The following UBE3D variants were observed in gnomAD, a reference collection of about 807,000 sequenced individuals.
UBE3D encodes the protein ubiquitin protein ligase E3D.
In UBE3D, 48 loss-of-function variants were observed where a neutral mutation model predicts 49.6. That is an observed-to-expected ratio of 0.97 (90% CI 0.77 to 1.23). The LOEUF (loss-of-function observed/expected upper bound fraction) is 1.23. UBE3D is among the 50% of genes most tolerant of loss of function. UBE3D has a pLI of 0.00. For synonymous variants in UBE3D, 189 were observed against 174.2 expected (o/e 1.08, Z -0.67); for missense variants, 452 against 468.4 (o/e 0.96, Z 0.32).
chr6:82,951,607 C>T (rs1345600909), intron 9 of UBE3D, among the ~76,000 whole-genome samples: 1 of 152,162 alleles, frequency 6.6e-6, no homozygotes, highest in Non-Finnish European at 1.5e-5. Flanking sequence ...CAGTAGAACC[C>T]TTTGCCACGT....
At chr6:82,885,845 A>G in the UBE3D span, among the ~76,000 whole-genome samples, 10 of 152,274 alleles carry the variant, frequency 6.6e-5, no homozygotes, top group African/African-American at 2.2e-4. Flanking sequence ...TTACTATTTC[A>G]AAGTTTCATT....
intron 4 of UBE3D, among the ~76,000 whole-genome samples, chr6:83,043,987 C>T (rs1782851558): frequency 6.6e-6 from 1 of 152,144 alleles, no homozygotes; most frequent in Admixed American, 6.5e-5. Flanking sequence ...TTGATGACAT[C>T]TCCATTTATG....
At chr6:82,943,464 C>T (rs1490424945) in intron 9 of UBE3D, among the ~76,000 whole-genome samples, 4 of 151,868 alleles carry the variant, frequency 2.6e-5, no homozygotes, top group South Asian at 2.1e-4. Flanking sequence ...GGTGAAACCC[C>T]GTGTCCACTA....
At chr6:82,912,406 C>A (rs1772594755) in intron 9 of UBE3D, among the ~76,000 whole-genome samples, 1 of 151,934 alleles carries the variant, frequency 6.6e-6, no homozygotes, top group Non-Finnish European at 1.5e-5. Flanking sequence ...CTCCTAGAGA[C>A]AATCTTCTTT....
In UBE3D at chr6:83,030,918, GGA is replaced by G. The variant is rs543914552; in HGVS notation, c.668-6882_668-6881del. Among the ~76,000 whole-genome samples the G allele has an allele frequency of 2.9e-3, 439 of 152,272 alleles. 1 individual carries two copies. Among genetic ancestry groups the G allele is most frequent in the African/African-American group, 9.5e-3 (396 of 41,564 alleles). On this transcript the variant is annotated intron_variant, in intron 5 of 9. Transcript: ENST00000369747. Reference sequence around the variant, plus strand: ...CAAGGATGACTCTTGTTATGCTTTAGGAAAGAGACTGGCAGTATTTTGTCCCT... The same window carrying G: ...CAAGGATGACTCTTGTTATGCTTTAGAAGAGACTGGCAGTATTTTGTCCCT...
intron 8 of UBE3D, among the ~76,000 whole-genome samples, chr6:83,006,078 A>T (rs1779958319): frequency 1.3e-5 from 2 of 152,120 alleles, no homozygotes; most frequent in South Asian, 4.1e-4. Flanking sequence ...TACAAAAATT[A>T]GCCAGGCATG....
At chr6:82,986,369 G>C (rs1778494200) in intron 8 of UBE3D, among the ~76,000 whole-genome samples, 1 of 150,876 alleles carries the variant, frequency 6.6e-6, no homozygotes, top group South Asian at 2.1e-4. Flanking sequence ...TACTCGGGAG[G>C]CTGAGGCAGG....
intron 8 of UBE3D, among the ~76,000 whole-genome samples, chr6:82,981,743 T>C (rs762828742): frequency 6.6e-6 from 1 of 152,074 alleles, no homozygotes; most frequent in Non-Finnish European, 1.5e-5. Context: ...AGAAAAAAGC[T>C]TTTGGAATAC....
the UBE3D span, among the ~76,000 whole-genome samples, chr6:82,885,192 G>T: frequency 2.0e-5 from 3 of 151,268 alleles, no homozygotes; most frequent in Admixed American, 1.3e-4. Flanking sequence ...AAGCTATTTG[G>T]TCAAGACAGT....
intron 9 of UBE3D, among the ~76,000 whole-genome samples, chr6:82,954,846 G>A (rs1413520308): frequency 6.6e-6 from 1 of 152,186 alleles, no homozygotes; most frequent in Non-Finnish European, 1.5e-5. Context: ...GAAGACCTGG[G>A]TAGGGAAGAT....
At chr6:82,893,431 C>T (rs1771082688) in intron 9 of UBE3D, among the ~76,000 whole-genome samples, 1 of 152,112 alleles carries the variant, frequency 6.6e-6, no homozygotes, top group South Asian at 2.1e-4. Flanking sequence ...GGTAATTATA[C>T]CAGTCTCTCC....
At chr6:82,970,565 C>T (rs1407677215) in intron 8 of UBE3D, among the ~76,000 whole-genome samples, 5 of 152,140 alleles carry the variant, frequency 3.3e-5, no homozygotes, top group Admixed American at 2.0e-4. Flanking sequence ...CTGGGCCGGG[C>T]GCTGTGGCTC....
chr6:82,907,022 G>C (rs1440786142), intron 9 of UBE3D, among the ~76,000 whole-genome samples: 1 of 152,156 alleles, frequency 6.6e-6, no homozygotes, highest in Non-Finnish European at 1.5e-5. Context: ...TCTAGATAGA[G>C]AACTTAATTC....
At chr6:82,947,627 GT>G (rs1330482092) in intron 9 of UBE3D, among the ~76,000 whole-genome samples, 1 of 151,792 alleles carries the variant, frequency 6.6e-6, no homozygotes, top group Non-Finnish European at 1.5e-5. Flanking sequence ...CACAAAATAA[GT>G]CTTAAAACAC....
chr6:82,889,897 A>G (rs972348075), downstream of UBE3D, among the ~76,000 whole-genome samples: 1 of 151,320 alleles, frequency 6.6e-6, no homozygotes, highest in African/African-American at 2.4e-5. Context: ...AGAAGTTTTC[A>G]ACAGGTAATT....
chr6:83,021,976 T>C (rs533464004), intron 7 of UBE3D, among the ~76,000 whole-genome samples: 1 of 152,294 alleles, frequency 6.6e-6, no homozygotes, highest in Admixed American at 6.5e-5. Flanking sequence ...ATAGAGGCAC[T>C]TGATCATCTG....
chr6:83,031,737 C>A (rs1352946311), intron 5 of UBE3D, among the ~76,000 whole-genome samples: 1 of 152,230 alleles, frequency 6.6e-6, no homozygotes, highest in African/African-American at 2.4e-5. Flanking sequence ...CCTCCCATCA[C>A]AGGCCTGGAG....
intron 8 of UBE3D, among the ~76,000 whole-genome samples, chr6:82,988,879 A>C (rs185502677): frequency 6.6e-6 from 1 of 152,186 alleles, no homozygotes; most frequent in East Asian, 1.9e-4. Flanking sequence ...AGAAAAAAGA[A>C]ATCAGACTTA....
chr6:82,882,944 TA>T, the UBE3D span, among the ~76,000 whole-genome samples: 1 of 152,074 alleles, frequency 6.6e-6, no homozygotes, highest in Non-Finnish European at 1.5e-5. Context: ...AACTAGACAA[TA>T]AATTTCTGTG....
Sources: allele counts gnomAD v4.1 joint callset (sites outside exome capture counted in the v4.1 genomes callset), GRCh38; gene constraint gnomAD v4.1.1; transcripts MANE v1.5; gene names NCBI Gene and HGNC (gene_info 2026-07-23, HGNC 2026-07-21).